The following RAD51B variants were observed in gnomAD, a reference collection of about 807,000 sequenced individuals.
RAD51B encodes DNA repair protein RAD51 homolog 2.
RAD51B carries 38 observed loss-of-function variants against 42.2 expected under a neutral mutation model. That is an observed-to-expected ratio of 0.90 (90% CI 0.70 to 1.18). RAD51B has a LOEUF of 1.18. Among genes scored for constraint, RAD51B ranks in the 50% most tolerant of loss-of-function variants. The probability of loss-of-function intolerance (pLI) is 0.00; values close to 1 mark genes in which losing one functional copy is unlikely to be tolerated. For synonymous variants in RAD51B, 154 were observed against 145.2 expected, an observed-to-expected ratio of 1.06 and a Z score of -0.43; for missense variants, 373 against 400.7, an observed-to-expected ratio of 0.93 and a Z score of 0.59.
chr14:68,545,068 C>A (rs984026821), intron 10 of RAD51B, among the ~76,000 whole-genome samples: 1 of 152,196 alleles, frequency 6.6e-6, no homozygotes, highest in African/African-American at 2.4e-5. Flanking sequence ...TGGTTCTTCA[C>A]AGATCATGTA....
rs530142035 is a variant in RAD51B, at chr14:67,987,774, T to C, written c.756+100570T>C. On this transcript the variant is annotated intron_variant, in intron 7 of 10. Coordinates refer to ENST00000471583, the MANE Select transcript of RAD51B (RefSeq NM_133510.4). ...CTCAGCACATATTTTAGTGAAGAGA[T>C]TCTTAGGAGTAACGGCTGACATTCA... 8.5e-5 allele frequency among the ~76,000 whole-genome samples: 13 copies of C among 152,326 alleles called. No homozygotes were observed. In the South Asian group the frequency reaches 2.7e-3, roughly 32 times the overall value.
At chr14:68,428,722 T>C (rs1327556064) in intron 9 of RAD51B, among the ~76,000 whole-genome samples, 2 of 3,782 alleles carry the variant, frequency 5.3e-4, no homozygotes, top group African/African-American at 9.5e-4. Context: ...TATATATATA[T>C]ATATATATAT....
At chr14:68,499,692 G>A (rs1429323796) in intron 10 of RAD51B, among the ~76,000 whole-genome samples, 1 of 152,170 alleles carries the variant, frequency 6.6e-6, no homozygotes, top group Non-Finnish European at 1.5e-5. Context: ...GAGGAGGACA[G>A]TCACAAAGAG....
chr14:67,870,421 C>A (rs933241803), intron 5 of RAD51B, among the ~76,000 whole-genome samples: 8 of 148,762 alleles, frequency 5.4e-5, no homozygotes, highest in African/African-American at 1.7e-4. Context: ...TACAGGAGCA[C>A]CCAGATTCAT....
At chr14:68,317,415 T>C (rs2082083458) in intron 8 of RAD51B, among the ~76,000 whole-genome samples, 1 of 152,204 alleles carries the variant, frequency 6.6e-6, no homozygotes, top group South Asian at 2.1e-4. Flanking sequence ...CAGTGGTTTC[T>C]GTTAAATTTC....
At chr14:68,535,774 A>T (rs1210902163) in intron 10 of RAD51B, among the ~76,000 whole-genome samples, 1 of 152,214 alleles carries the variant, frequency 6.6e-6, no homozygotes, top group South Asian at 2.1e-4. Flanking sequence ...GGATAGTACC[A>T]CTATTTCTGT....
chr14:68,022,856 G>T (rs2075889836), intron 7 of RAD51B, among the ~76,000 whole-genome samples: 1 of 151,980 alleles, frequency 6.6e-6, no homozygotes, highest in Admixed American at 6.6e-5. Flanking sequence ...GTTATGTCCT[G>T]GTGTACTCAA....
chr14:68,549,145 T>G (rs1027995166), intron 10 of RAD51B, among the ~76,000 whole-genome samples: 1 of 152,102 alleles, frequency 6.6e-6, no homozygotes, highest in African/African-American at 2.4e-5. Flanking sequence ...GTCTCCCAGC[T>G]GTCTGTCTTA....
chr14:67,930,568 A>T (rs2044691456), intron 7 of RAD51B, among the ~76,000 whole-genome samples: 4 of 152,082 alleles, frequency 2.6e-5, no homozygotes. Flanking sequence ...TCTCCTGTTG[A>T]TGTAGGCTCC....
intron 8 of RAD51B, among the ~76,000 whole-genome samples, chr14:68,314,125 C>G (rs919555523): frequency 4.6e-5 from 7 of 152,204 alleles, no homozygotes; most frequent in Admixed American, 4.6e-4. Flanking sequence ...CAGAGTCATT[C>G]TCTCTTCAGA....
intron 7 of RAD51B, among the ~76,000 whole-genome samples, chr14:67,945,535 T>G (rs1249243310): frequency 6.6e-6 from 1 of 151,710 alleles, no homozygotes; most frequent in African/African-American, 2.4e-5. Flanking sequence ...TCGCCCAGAC[T>G]GGAGTGCAGT....
At chr14:68,449,306 C>T (rs904606200) in intron 9 of RAD51B, among the ~76,000 whole-genome samples, 1 of 152,172 alleles carries the variant, frequency 6.6e-6, no homozygotes, top group Non-Finnish European at 1.5e-5. Flanking sequence ...ATATTGTAGC[C>T]GTGCTTTGCT....
At chr14:67,830,267 T>C (rs192775322) in intron 3 of RAD51B, among the ~76,000 whole-genome samples, 31 of 152,306 alleles carry the variant, frequency 2.0e-4, no homozygotes, top group Admixed American at 1.6e-3. Context: ...GACAAGTGAT[T>C]GAAAAGGAGC....
At chr14:67,887,322 T>A (rs146343786) in intron 7 of RAD51B, 118 bp downstream of exon 7, 10,309 of 896,700 alleles carry the variant, frequency 0.011, 83 homozygotes, top group Non-Finnish European at 0.014. Flanking sequence ...CAGATGACTT[T>A]TTAAAGGTAG....
intron 7 of RAD51B, among the ~76,000 whole-genome samples, chr14:68,032,836 T>G (rs1380763190): frequency 6.6e-6 from 1 of 152,224 alleles, no homozygotes; most frequent in Non-Finnish European, 1.5e-5. Context: ...CAGCTCTATC[T>G]TATACCACTA....
downstream of RAD51B, among the ~76,000 whole-genome samples, chr14:68,481,565 G>A (rs1883182453): frequency 1.3e-5 from 2 of 152,208 alleles, no homozygotes; most frequent in Admixed American, 1.3e-4. Flanking sequence ...CTTGCTGCGT[G>A]TCTGACACAC....
At chr14:68,547,519 C>T (rs1427858659) in intron 10 of RAD51B, among the ~76,000 whole-genome samples, 2 of 152,188 alleles carry the variant, frequency 1.3e-5, no homozygotes, top group Non-Finnish European at 2.9e-5. Context: ...CCAGGAGCCC[C>T]GCTCACTCCT....
chr14:68,001,279 C>A (rs1029983541), intron 7 of RAD51B, among the ~76,000 whole-genome samples: 6 of 152,082 alleles, frequency 3.9e-5, no homozygotes, highest in African/African-American at 1.4e-4. Context: ...AAACCTCATA[C>A]TTCTTTATTC....
At chr14:68,597,020 T>C (rs1002982307), downstream of RAD51B, among the ~76,000 whole-genome samples, 13 of 152,212 alleles carry the variant, frequency 8.5e-5, no homozygotes, top group African/African-American at 3.1e-4. Flanking sequence ...TCCCTTGTTG[T>C]ATTGGAAAAT....
Sources: allele counts gnomAD v4.1 joint callset (sites outside exome capture counted in the v4.1 genomes callset), GRCh38; gene constraint gnomAD v4.1.1; transcripts MANE v1.5; gene names NCBI Gene and HGNC (gene_info 2026-07-23, HGNC 2026-07-21).